TP53BP2: variants seen among roughly 807,000 people sequenced by gnomAD.
TP53BP2 encodes the protein tumor protein p53 binding protein 2.
A neutral mutation model predicts 126.2 loss-of-function variants in TP53BP2; 62 were observed. That is an observed-to-expected ratio of 0.49 (90% CI 0.40 to 0.61). The LOEUF (loss-of-function observed/expected upper bound fraction) is 0.61. Ranked by LOEUF, TP53BP2 falls within the 20% of genes least tolerant of loss-of-function variation. The pLI is 0.00. For synonymous variants in TP53BP2, 485 were observed against 502.9 expected, an observed-to-expected ratio of 0.96 and a Z score of 0.48; for missense variants, 1,215 against 1,402.8, an observed-to-expected ratio of 0.87 and a Z score of 2.14.
intron 16 of TP53BP2, among the ~76,000 whole-genome samples, chr1:223,786,577 TGTGC>T (rs1217854715): frequency 1.5e-5 from 2 of 129,220 alleles, no homozygotes; most frequent in African/African-American, 7.1e-5. Context: ...TGTGTGCGTG[TGTGC>T]GTGTGTGTGT....
intron 8 of TP53BP2, 48 bp downstream of exon 8, chr1:223,802,683 T>C (rs1662568724): frequency 2.5e-6 from 4 of 1,605,016 alleles, no homozygotes; most frequent in Non-Finnish European, 3.4e-6. Flanking sequence ...ACTGGGCTGG[T>C]CATCTTTTTC....
intron 15 of TP53BP2, among the ~76,000 whole-genome samples, chr1:223,790,788 T>C (rs1424180517): frequency 1.3e-5 from 2 of 152,034 alleles, no homozygotes; most frequent in South Asian, 2.1e-4. Flanking sequence ...AAATTTTTTA[T>C]AGAGACAGGG....
intron 1 of TP53BP2, among the ~76,000 whole-genome samples, chr1:223,844,421 C>T (rs562636298): frequency 3.5e-4 from 54 of 152,274 alleles, no homozygotes; most frequent in African/African-American, 1.3e-3. Flanking sequence ...CAAGTTACTT[C>T]AACACAAAGA....
chr1:223,843,610 T>C (rs1408370786), intron 1 of TP53BP2, among the ~76,000 whole-genome samples: 2 of 152,248 alleles, frequency 1.3e-5, no homozygotes, highest in African/African-American at 4.8e-5. Context: ...TTATTTTATG[T>C]ATATTTTACC....
At chr1:223,803,581 C>T in intron 6 of TP53BP2, 129 bp from the exon 7 acceptor site, 1 of 699,776 alleles carries the variant, frequency 1.4e-6, no homozygotes. Context: ...GTCCTGGAAG[C>T]AACCGACTTC....
chr1:223,808,925 A>C (rs1241696249), intron 4 of TP53BP2, among the ~76,000 whole-genome samples: 1 of 152,152 alleles, frequency 6.6e-6, no homozygotes, highest in Non-Finnish European at 1.5e-5. Flanking sequence ...ATACCACTAC[A>C]CATATATTTT....
chr1:223,782,366 T>C (rs1661803361), intron 17 of TP53BP2, among the ~76,000 whole-genome samples: 3 of 152,248 alleles, frequency 2.0e-5, no homozygotes, highest in African/African-American at 4.8e-5. Context: ...CATTGATGTT[T>C]ATGTTTATCA....
intron 1 of TP53BP2, among the ~76,000 whole-genome samples, chr1:223,823,180 A>C (rs1218661299): frequency 6.6e-6 from 1 of 152,230 alleles, no homozygotes; most frequent in Non-Finnish European, 1.5e-5. Flanking sequence ...TGGAGGGCCT[A>C]CCAACAGTCA....
intron 3 of TP53BP2, among the ~76,000 whole-genome samples, chr1:223,810,869 G>T (rs6604724): frequency 0.11 from 17,437 of 152,040 alleles, 1,227 homozygotes; most frequent in African/African-American, 0.2. Context: ...CATCTATTTA[G>T]CTACTCAGTA....
intron 9 of TP53BP2, 36 bp from the exon 10 acceptor site, chr1:223,800,846 A>G (rs931897586): frequency 1.4e-6 from 2 of 1,456,474 alleles, no homozygotes; most frequent in African/African-American, 1.4e-5. Context: ...ATAACTCAGC[A>G]TTCTAAAGAG....
intron 1 of TP53BP2, among the ~76,000 whole-genome samples, chr1:223,824,320 T>C (rs773124007): frequency 6.6e-6 from 1 of 152,232 alleles, no homozygotes; most frequent in Non-Finnish European, 1.5e-5. Context: ...GTTCTATTTA[T>C]GGTTACTTTT....
At chr1:223,841,931 A>G (rs1442829127) in intron 1 of TP53BP2, among the ~76,000 whole-genome samples, 1 of 145,390 alleles carries the variant, frequency 6.9e-6, no homozygotes, top group Admixed American at 6.9e-5. Context: ...TTTTTTTGAG[A>G]CAGTCTCGCT....
rs1662322065 is a variant in TP53BP2 at position 223,796,367 on chromosome 1, T to C, written c.2172A>G (p.Leu724=). 6.2e-7 allele frequency: 1 copy of C among 1,614,114 alleles called. No individual in the cohort carries two copies. The highest frequency in any genetic ancestry group is 1.7e-5 in the Admixed American group (1 of 60,004). The change falls in exon 13 of 18, where the codon CTA becomes CTG. Residue 724 remains leucine, a synonymous_variant. Coordinates refer to ENST00000343537, the MANE Select transcript of TP53BP2 (RefSeq NM_001031685.3). The surrounding 1 kb of genome is among the most constrained non-coding windows in gnomAD (Gnocchi z 4.2). ...NPYRNQSDAD[L]EALRKKLSNA... ...TAGACAGTTTCTTTCGTAAGGCTTCTAGGTCAGCATCACTCTGGTTTCGGT... is the reference window on the plus strand; with the variant it reads ...TAGACAGTTTCTTTCGTAAGGCTTCCAGGTCAGCATCACTCTGGTTTCGGT...
At chr1:223,786,492 A>G (rs981185815) in intron 16 of TP53BP2, among the ~76,000 whole-genome samples, 7 of 152,186 alleles carry the variant, frequency 4.6e-5, no homozygotes, top group Non-Finnish European at 1.0e-4. Flanking sequence ...ATCATATTCC[A>G]TATCTAAATA....
At chr1:223,836,585 G>A (rs1387594203) in intron 1 of TP53BP2, among the ~76,000 whole-genome samples, 1 of 152,192 alleles carries the variant, frequency 6.6e-6, no homozygotes, top group African/African-American at 2.4e-5. Flanking sequence ...AGGAACAGAG[G>A]TCAGACTTGA....
intron 2 of TP53BP2, among the ~76,000 whole-genome samples, chr1:223,814,746 TA>T (rs552928458): frequency 6.6e-6 from 1 of 152,058 alleles, no homozygotes; most frequent in African/African-American, 2.4e-5. Context: ...AAGAAAATAT[TA>T]AAAAGCAACT....
chr1:223,837,530 A>T (rs1663962818), intron 1 of TP53BP2, among the ~76,000 whole-genome samples: 1 of 152,204 alleles, frequency 6.6e-6, no homozygotes, highest in Non-Finnish European at 1.5e-5. Flanking sequence ...TCTGAGGGTC[A>T]CTAAAACAAT....
intron 16 of TP53BP2, among the ~76,000 whole-genome samples, chr1:223,787,670 A>G (rs1019121265): frequency 2.6e-5 from 4 of 152,136 alleles, no homozygotes; most frequent in African/African-American, 9.7e-5. Context: ...TAAGCTCACG[A>G]GTTTGAGAAC....
intron 11 of TP53BP2, 99 bp downstream of exon 11, chr1:223,799,800 C>T: frequency 9.1e-7 from 1 of 1,103,126 alleles, no homozygotes; most frequent in Non-Finnish European, 1.2e-6. Context: ...TAGGTACATC[C>T]TGTTTCTTCT....
Sources: allele counts gnomAD v4.1 joint callset (sites outside exome capture counted in the v4.1 genomes callset), GRCh38; gene constraint gnomAD v4.1.1; non-coding constraint Gnocchi (gnomAD v3.1); transcripts MANE v1.5; gene names NCBI Gene and HGNC (gene_info 2026-07-23, HGNC 2026-07-21).